Variants in SMIM13 observed in about 807,000 individuals in gnomAD.
The protein encoded by SMIM13 is small integral membrane protein 13, also known as UPF0766 protein C6orf228.
Under a neutral mutation model 5.9 loss-of-function variants are expected in SMIM13, and 3 were observed. The ratio of observed to expected loss-of-function variants is 0.51; its 90% CI spans 0.23 to 1.31. The LOEUF (loss-of-function observed/expected upper bound fraction) is 1.31. SMIM13 is among the 40% of genes most tolerant of loss of function. The pLI, the probability that SMIM13 is intolerant of heterozygous loss-of-function variation, is 0.18. For synonymous variants in SMIM13, 55 were observed against 46.0 expected, an observed-to-expected ratio of 1.19 and a Z score of -0.79; for missense variants, 85 against 109.9, an observed-to-expected ratio of 0.77 and a Z score of 1.01.
At chr6:11,128,295 G>A (rs1758404599) in intron 1 of SMIM13, among the ~76,000 whole-genome samples, 1 of 152,118 alleles carries the variant, frequency 6.6e-6, no homozygotes, top group African/African-American at 2.4e-5. Context: ...TCTGGCCCAG[G>A]GTGTATCTGG....
chr6:11,124,247 C>T (rs996453668), intron 1 of SMIM13, among the ~76,000 whole-genome samples: 3 of 152,198 alleles, frequency 2.0e-5, no homozygotes, highest in African/African-American at 7.2e-5. Context: ...TGAGAACACG[C>T]AAAGTTTGTC....
intron 1 of SMIM13, chr6:11,104,394 T>C: frequency 6.4e-7 from 1 of 1,551,634 alleles, no homozygotes. Context: ...GAGGCATTGG[T>C]GAATCGACTG....
At chr6:11,125,802 G>A (rs771520306) in intron 1 of SMIM13, among the ~76,000 whole-genome samples, 23 of 152,030 alleles carry the variant, frequency 1.5e-4, no homozygotes, top group Non-Finnish European at 2.9e-4. Context: ...AATGCCTTGA[G>A]GAGTCTTCTT....
intron 1 of SMIM13, chr6:11,111,701 T>C (rs1758170728): frequency 6.6e-6 from 1 of 152,274 alleles, no homozygotes. Context: ...TCCGAGTCAC[T>C]GCACCATTTG....
At chr6:11,114,143 C>T (rs1472532707) in intron 1 of SMIM13, among the ~76,000 whole-genome samples, 4 of 151,660 alleles carry the variant, frequency 2.6e-5, no homozygotes, top group Admixed American at 2.6e-4. Context: ...CCACGCCTGG[C>T]TGATTTTTGT....
rs1449892974 is a variant in SMIM13 at position 11,094,396 on chromosome 6, G to GAT, written c.76+7_76+8insAT. 2.0e-6 allele frequency: 3 copies of GAT among 1,533,850 alleles called. No homozygotes were observed. The highest frequency in any genetic ancestry group is 2.6e-6 in the Non-Finnish European group (3 of 1,141,928). On this transcript the variant is annotated splice_region_variant and intron_variant, in intron 1 of 1. Transcript: ENST00000416247. The stretch of plus-strand genomic sequence containing the variant: ...CTGCTGCTGATGGTGTGCGGTGAGT[G>GAT]GGGGCGGTAGCCGCGAGGCAGTTCC...
intron 1 of SMIM13, among the ~76,000 whole-genome samples, chr6:11,119,654 C>CAAAA (rs145708573): frequency 0.012 from 1,849 of 150,546 alleles, 17 homozygotes; most frequent in South Asian, 0.039. Context: ...ACTCCATCTC[C>CAAAA]AAAAAAACAG....
At chr6:11,105,359 T>C (rs979814127) in intron 1 of SMIM13, 2 of 1,422,972 alleles carry the variant, frequency 1.4e-6, no homozygotes, top group Non-Finnish European at 1.9e-6. Context: ...ATGGAACTCC[T>C]GGTGGTGTAC....
chr6:11,099,022 A>G (rs1431870996), intron 1 of SMIM13, among the ~76,000 whole-genome samples: 1 of 152,052 alleles, frequency 6.6e-6, no homozygotes, highest in Non-Finnish European at 1.5e-5. Context: ...TTTTTCTATT[A>G]TGTTTCTATA....
intron 1 of SMIM13, among the ~76,000 whole-genome samples, chr6:11,115,652 T>C (rs1292117736): frequency 1.3e-5 from 2 of 152,032 alleles, no homozygotes; most frequent in Non-Finnish European, 2.9e-5. Flanking sequence ...TCCCATTACC[T>C]TTGCCATGTT....
In SMIM13 at chr6:11,112,627, C is replaced by CT. The variant is rs202109370; in HGVS notation, c.76+18240dup. 5.9e-3 allele frequency among the ~76,000 whole-genome samples: 896 copies of CT among 152,252 alleles called. 3 individuals are homozygous for CT. The highest frequency in any genetic ancestry group is 0.024 in the South Asian group (116 of 4,820). The stretch of plus-strand genomic sequence containing the variant: ...CACACAACATGCTTTTTGTGTTTGA[C>CT]TTCTTTCTGCTAGCATAATGCTTTT... On this transcript the variant is annotated intron_variant, in intron 1 of 1. Transcript: ENST00000416247.
chr6:11,129,086 G>T (rs1050666211), intron 1 of SMIM13, among the ~76,000 whole-genome samples: 1 of 151,330 alleles, frequency 6.6e-6, no homozygotes, highest in East Asian at 1.9e-4. Flanking sequence ...AGCGGGGGGG[G>T]GATGATCACT....
At chr6:11,104,242 G>A in intron 1 of SMIM13, 17 of 1,551,710 alleles carry the variant, frequency 1.1e-5, no homozygotes, top group Non-Finnish European at 1.5e-5. Flanking sequence ...CCCGCGAGAA[G>A]GGGAATGAAA....
At chr6:11,107,279 A>G (rs932959379) in intron 1 of SMIM13, among the ~76,000 whole-genome samples, 2 of 152,194 alleles carry the variant, frequency 1.3e-5, no homozygotes, top group East Asian at 1.9e-4. Context: ...ACTGTTACCT[A>G]TGGGTTTTCT....
intron 1 of SMIM13, among the ~76,000 whole-genome samples, chr6:11,102,048 C>A (rs1479780733): frequency 6.6e-6 from 1 of 152,110 alleles, no homozygotes; most frequent in African/African-American, 2.4e-5. Context: ...TCATCTTTAG[C>A]AATTCTTAAA....
intron 1 of SMIM13, among the ~76,000 whole-genome samples, chr6:11,105,867 A>G (rs1301071888): frequency 6.6e-6 from 1 of 152,142 alleles, no homozygotes; most frequent in Non-Finnish European, 1.5e-5. Context: ...TTCATCTAGT[A>G]ATGACAGAAT....
chr6:11,122,028 C>T (rs1208401212), intron 1 of SMIM13, among the ~76,000 whole-genome samples: 1 of 152,202 alleles, frequency 6.6e-6, no homozygotes, highest in Non-Finnish European at 1.5e-5. Context: ...CCATGGGCAC[C>T]CCACTGCTAA....
intron 1 of SMIM13, among the ~76,000 whole-genome samples, chr6:11,123,192 G>C (rs1264271081): frequency 6.6e-6 from 1 of 152,128 alleles, no homozygotes; most frequent in Non-Finnish European, 1.5e-5. Context: ...TAGAAAGCTG[G>C]GGGGAGGAGG....
At chr6:11,103,572 C>G in intron 1 of SMIM13, 2 of 1,400,630 alleles carry the variant, frequency 1.4e-6, no homozygotes, top group Non-Finnish European at 1.9e-6. Flanking sequence ...TGGCCTCTTG[C>G]TAGCTGTCAG....
Sources: allele counts gnomAD v4.1 joint callset (sites outside exome capture counted in the v4.1 genomes callset), GRCh38; gene constraint gnomAD v4.1.1; transcripts MANE v1.5; gene names NCBI Gene and HGNC (gene_info 2026-07-23, HGNC 2026-07-21).